Variants in FFAR1 observed in about 807,000 individuals in gnomAD.
FFAR1 encodes the protein free fatty acid receptor 1, also known as G-protein coupled receptor 40.
For missense variants in FFAR1, 424 were observed against 396.2 expected (o/e 1.07, Z -0.60); for synonymous variants, 216 against 201.5 (o/e 1.07, Z -0.61).
chr19:35,350,581 G>A (rs2145690994), upstream of FFAR1, among the ~76,000 whole-genome samples: 1 of 152,262 alleles, frequency 6.6e-6, no homozygotes, highest in Non-Finnish European at 1.5e-5. Flanking sequence ...TACACACTCG[G>A]CCCCTACCCA....
At chr19:35,351,897 GCCTTCCGGAGGCCGTGCTATT>G (rs1363235532) in exon 1 of FFAR1, 1 of 1,613,888 alleles carries the variant, frequency 6.2e-7, no homozygotes, top group Non-Finnish European at 8.5e-7. Context: ...GGGCTACCAA[GCCTTCCGGAGGCCGTGCTATT>G]CCTGGGGGGT....
chr19:35,348,732 C>T (rs896618635), upstream of FFAR1, among the ~76,000 whole-genome samples: 1 of 152,182 alleles, frequency 6.6e-6, no homozygotes, highest in Non-Finnish European at 1.5e-5. Context: ...TGGAAATGCA[C>T]CCAGTACAGA....
chr19:35,347,992 C>T (rs1360949222), upstream of FFAR1, among the ~76,000 whole-genome samples: 1 of 152,246 alleles, frequency 6.6e-6, no homozygotes, highest in African/African-American at 2.4e-5. Flanking sequence ...CAGCTCCCCT[C>T]TCCGCTTCTC....
chr19:35,350,095 C>T (rs541583303), upstream of FFAR1, among the ~76,000 whole-genome samples: 5 of 152,242 alleles, frequency 3.3e-5, no homozygotes, highest in East Asian at 7.7e-4. Context: ...TGGGGGGAGT[C>T]GGCTTGGACA....
chr19:35,350,843 G>A (rs563082535), upstream of FFAR1, among the ~76,000 whole-genome samples: 104 of 152,276 alleles, frequency 6.8e-4, no homozygotes, highest in African/African-American at 2.5e-3. Context: ...CAGGAGGTGG[G>A]TCCCTCTCTC....
At chr19:35,350,343 T>G (rs1054372047), upstream of FFAR1, among the ~76,000 whole-genome samples, 98 of 152,262 alleles carry the variant, frequency 6.4e-4, no homozygotes, top group African/African-American at 2.3e-3. Flanking sequence ...GTGTGATCAC[T>G]CCTTACCCCA....
At chr19:35,351,746 G>A in exon 1 of FFAR1, 1 of 1,563,884 alleles carries the variant, frequency 6.4e-7, no homozygotes, top group Middle Eastern at 1.7e-4. Context: ...AGGCGGTGGA[G>A]GCGCTAGCCT....
chr19:35,349,742 T>C (rs992679243), upstream of FFAR1, among the ~76,000 whole-genome samples: 1 of 152,064 alleles, frequency 6.6e-6, no homozygotes, highest in South Asian at 2.1e-4. Context: ...AGGTGACCCA[T>C]ACACGCCTGA....
exon 1 of FFAR1, chr19:35,352,084 C>T (rs143187042): frequency 2.5e-6 from 4 of 1,613,090 alleles, no homozygotes; most frequent in Non-Finnish European, 3.4e-6. Context: ...GACCCGGCCT[C>T]TGCCGGCCCG....
exon 1 of FFAR1, chr19:35,351,705 G>T (rs903170523): frequency 6.4e-7 from 1 of 1,564,818 alleles, no homozygotes; most frequent in Non-Finnish European, 8.6e-7. Context: ...GGGCTGCTCC[G>T]ACCTGCTGCT....
exon 1 of FFAR1, chr19:35,351,753 G>A: frequency 6.4e-7 from 1 of 1,564,082 alleles, no homozygotes; most frequent in South Asian, 1.2e-5. Flanking sequence ...GGAGGCGCTA[G>A]CCTCCGGGGC....
At chr19:35,349,019 G>C (rs1280270199), upstream of FFAR1, among the ~76,000 whole-genome samples, 1 of 152,190 alleles carries the variant, frequency 6.6e-6, no homozygotes, top group Non-Finnish European at 1.5e-5. Context: ...AGCAGGTGAA[G>C]AGCAGGTGGC....
chr19:35,350,457 C>T (rs950059970), upstream of FFAR1, among the ~76,000 whole-genome samples: 2 of 152,146 alleles, frequency 1.3e-5, no homozygotes, highest in African/African-American at 4.8e-5. Flanking sequence ...AGGGGTGCAT[C>T]AAGGGTGGAG....
At chr19:35,351,421 G>A (rs560681691), upstream of FFAR1, 2 of 772,802 alleles carry the variant, frequency 2.6e-6, no homozygotes, top group Non-Finnish European at 4.2e-6. Context: ...CCCACCAGGT[G>A]AATTGTAATT....
upstream of FFAR1, chr19:35,351,471 C>A: frequency 7.9e-7 from 1 of 1,273,842 alleles, no homozygotes; most frequent in Non-Finnish European, 1.1e-6. Flanking sequence ...TCCCAGGAGC[C>A]CCTCCTCTCC....
upstream of FFAR1, among the ~76,000 whole-genome samples, chr19:35,349,419 C>T (rs1312564565): frequency 1.3e-5 from 2 of 152,194 alleles, no homozygotes; most frequent in Non-Finnish European, 2.9e-5. Flanking sequence ...GAGGGGAAAC[C>T]ACACTGCTGT....
exon 1 of FFAR1, chr19:35,352,232 C>T (rs1374281276): frequency 2.6e-6 from 4 of 1,564,690 alleles, no homozygotes; most frequent in Non-Finnish European, 1.7e-6. Context: ...GGGTGGCCGG[C>T]GGGGCCCTCC....
Position 35,352,192 on chromosome 19 carries a change from T to C in FFAR1, c.641T>C (p.Leu214Pro). 6.2e-7 allele frequency: 1 copy of C among 1,602,518 alleles called. No homozygotes were observed. Reference sequence around the variant, plus strand: ...CTCCGGGCACTGGCCCGCTCCGGCCTGACGCACAGGCGGAAGCTGCGGGCC... The same window carrying C: ...CTCCGGGCACTGGCCCGCTCCGGCCCGACGCACAGGCGGAAGCTGCGGGCC... Residue 214 changes from leucine (L) to proline (P), a missense_variant, in exon 1 of 1, where the codon CTG becomes CCG. Coordinates refer to ENST00000246553, the Ensembl canonical transcript of FFAR1.
At chr19:35,351,884 C>T (rs1215384750) in exon 1 of FFAR1, 4 of 1,613,968 alleles carry the variant, frequency 2.5e-6, no homozygotes, top group East Asian at 4.5e-5. Flanking sequence ...CAGCCTTCCC[C>T]TTGGGCTACC....
Sources: gnomAD v4.1 joint callset for allele counts (sites outside exome capture counted in the v4.1 genomes callset) on GRCh38, gnomAD v4.1.1 for gene constraint, MANE v1.5 for transcripts, NCBI Gene and HGNC (gene_info 2026-07-23, HGNC 2026-07-21) for gene names.